Variants in ST7 observed in about 807,000 individuals in gnomAD.
ST7 encodes suppressor of tumorigenicity 7 protein.
ST7 carries 28 observed loss-of-function variants against 78.7 expected under a neutral mutation model. That is an observed-to-expected ratio of 0.36 (90% CI 0.26 to 0.49). The LOEUF (loss-of-function observed/expected upper bound fraction) is 0.49. ST7 is among the 20% of genes least tolerant of loss of function. The pLI is 0.99. For synonymous variants in ST7, 247 were observed against 249.6 expected (o/e 0.99, Z 0.10); for missense variants, 418 against 696.0 (o/e 0.60, Z 4.49).
intron 1 of ST7, among the ~76,000 whole-genome samples, chr7:117,039,861 A>G (rs543861640): frequency 6.6e-6 from 1 of 152,300 alleles, no homozygotes; most frequent in African/African-American, 2.4e-5. Context: ...CATCTTCTGT[A>G]GTCGCAAATC....
intron 1 of ST7, among the ~76,000 whole-genome samples, chr7:116,986,063 C>G (rs887749417): frequency 1.3e-5 from 2 of 152,242 alleles, no homozygotes; most frequent in Admixed American, 1.3e-4. Context: ...AAACTCCTGA[C>G]CTCCAGTGAT....
intron 10 of ST7, among the ~76,000 whole-genome samples, chr7:117,175,750 A>G (rs563971628): frequency 1.3e-5 from 2 of 152,340 alleles, no homozygotes; most frequent in South Asian, 4.1e-4. Context: ...GTTAAGTGTC[A>G]AGAACAGTGT....
chr7:117,202,868 T>C (rs964922107), intron 12 of ST7, among the ~76,000 whole-genome samples: 1 of 152,140 alleles, frequency 6.6e-6, no homozygotes, highest in African/African-American at 2.4e-5. Flanking sequence ...TAAGTGTTTT[T>C]TTCCCCCCCT....
chr7:117,150,243 A>G (rs988084464), intron 9 of ST7, among the ~76,000 whole-genome samples: 2 of 152,144 alleles, frequency 1.3e-5, no homozygotes, highest in African/African-American at 4.8e-5. Context: ...CATGCCTTCA[A>G]GTGCTGAGGT....
chr7:117,207,003 T>C (rs1341599939), intron 12 of ST7, among the ~76,000 whole-genome samples: 2 of 152,212 alleles, frequency 1.3e-5, no homozygotes. Context: ...TTTTAACTAA[T>C]TAAAATATAA....
intron 1 of ST7, among the ~76,000 whole-genome samples, chr7:116,977,504 C>T (rs1259450658): frequency 1.3e-5 from 2 of 152,184 alleles, no homozygotes; most frequent in Non-Finnish European, 2.9e-5. Context: ...CTAATTTGTG[C>T]TGGGATCAGA....
intron 13 of ST7, among the ~76,000 whole-genome samples, chr7:117,213,658 C>T (rs1248797402): frequency 6.6e-6 from 1 of 151,540 alleles, no homozygotes; most frequent in Non-Finnish European, 1.5e-5. Flanking sequence ...AAAAACAAAA[C>T]TGAATCCTCA....
At chr7:117,032,086 T>A (rs1796629758) in intron 1 of ST7, among the ~76,000 whole-genome samples, 1 of 151,930 alleles carries the variant, frequency 6.6e-6, no homozygotes, top group Non-Finnish European at 1.5e-5. Flanking sequence ...TTAGCCATGT[T>A]GACCAGGCTG....
At chr7:117,209,963 A>G in intron 13 of ST7, 26 bp downstream of exon 13, 10 of 1,602,312 alleles carry the variant, frequency 6.2e-6, no homozygotes, top group Non-Finnish European at 8.5e-6. Context: ...TTTTTGAAAC[A>G]TTTTTAAGAG....
At chr7:116,997,029 A>G (rs1794691464) in intron 1 of ST7, among the ~76,000 whole-genome samples, 1 of 152,148 alleles carries the variant, frequency 6.6e-6, no homozygotes, top group South Asian at 2.1e-4. Context: ...ACGGACCCTC[A>G]TGGTGAGCGT....
intron 1 of ST7, chr7:116,965,907 A>G (rs1020732954): frequency 4.8e-6 from 1 of 208,174 alleles, no homozygotes; most frequent in Non-Finnish European, 1.1e-5. Context: ...GATATTTATA[A>G]GTGTAGTGAT....
intron 9 of ST7, among the ~76,000 whole-genome samples, chr7:117,143,226 C>G (rs937579413): frequency 3.9e-5 from 6 of 152,162 alleles, no homozygotes; most frequent in Admixed American, 1.3e-4. Context: ...GGCGTTATCA[C>G]CTTTCCCCGG....
rs374602095 is a variant in ST7, at chr7:117,134,153, T to G, written c.671T>G (p.Ile224Ser). Residue 224 changes from isoleucine (I) to serine (S), a missense_variant, in exon 7 of 16, where the codon ATT (isoleucine) becomes AGT (serine). By Grantham distance (142) the Ile-to-Ser change is moderately radical. Transcript: ENST00000323984. ...EIRSRVEVPL[I>S]ASSTIWEIKL... ...AGGTCCAGAGTTGAAGTTCCCCTAATTGCTTCCTCTACCATCTGGGAGATA... is the reference window on the plus strand; with the variant it reads ...AGGTCCAGAGTTGAAGTTCCCCTAAGTGCTTCCTCTACCATCTGGGAGATA... The G allele has an allele frequency of 5.0e-6, 8 of 1,612,042 alleles. No individual in the cohort carries two copies. In the African/African-American group the frequency reaches 6.7e-5, roughly 13 times the overall value.
At chr7:117,007,611 A>G (rs1009504579) in intron 1 of ST7, among the ~76,000 whole-genome samples, 1 of 152,240 alleles carries the variant, frequency 6.6e-6, no homozygotes, top group Admixed American at 6.5e-5. Flanking sequence ...TTTTCAGTGT[A>G]GGTGAAAACA....
chr7:117,128,397 T>G (rs1055781983), intron 3 of ST7: 1 of 151,838 alleles, frequency 6.6e-6, no homozygotes, highest in African/African-American at 2.4e-5. Flanking sequence ...TAATGCCATA[T>G]GAAGTGACAG....
chr7:117,174,743 G>A (rs923682267), intron 10 of ST7, among the ~76,000 whole-genome samples: 1 of 152,112 alleles, frequency 6.6e-6, no homozygotes, highest in African/African-American at 2.4e-5. Context: ...TATTAGCTTG[G>A]CATTAGCTTT....
chr7:117,159,930 G>A (rs1584491415), intron 9 of ST7, among the ~76,000 whole-genome samples: 1 of 151,718 alleles, frequency 6.6e-6, no homozygotes, highest in Admixed American at 6.6e-5. Flanking sequence ...AGCCAGGCGC[G>A]GTAGCTCATG....
intron 9 of ST7, among the ~76,000 whole-genome samples, chr7:117,150,549 C>T (rs1806164227): frequency 6.6e-6 from 1 of 152,146 alleles, no homozygotes; most frequent in Admixed American, 6.6e-5. Flanking sequence ...TCTGCCTCTC[C>T]ATCTGCTCCT....
intron 1 of ST7, among the ~76,000 whole-genome samples, chr7:117,035,403 G>T (rs1369524728): frequency 6.6e-6 from 1 of 152,140 alleles, no homozygotes; most frequent in African/African-American, 2.4e-5. Context: ...TGTTTCAAAT[G>T]AATGGAAGAA....
Sources: allele counts gnomAD v4.1 joint callset (sites outside exome capture counted in the v4.1 genomes callset), GRCh38; gene constraint gnomAD v4.1.1; transcripts MANE v1.5; gene names NCBI Gene and HGNC (gene_info 2026-07-23, HGNC 2026-07-21).